Variants in STRN3 observed in about 807,000 individuals in gnomAD.
The protein encoded by STRN3 is striatin 3, also known as striatin-3.
A neutral mutation model predicts 95.6 loss-of-function variants in STRN3; 29 were observed. The ratio of observed to expected loss-of-function variants is 0.30; its 90% CI spans 0.23 to 0.41. The LOEUF (loss-of-function observed/expected upper bound fraction) is 0.41, where lower values mean the gene tolerates loss of function less well. Among genes scored for constraint, STRN3 ranks in the 10% least tolerant of loss-of-function variants. STRN3 has a pLI of 1.00. For synonymous variants in STRN3, 331 were observed against 357.6 expected (o/e 0.93, Z 0.84); for missense variants, 890 against 972.1 (o/e 0.92, Z 1.12).
chr14:31,022,077 C>A (rs1215052712), intron 1 of STRN3, among the ~76,000 whole-genome samples: 1 of 152,144 alleles, frequency 6.6e-6, no homozygotes, highest in Non-Finnish European at 1.5e-5. Context: ...AAAGGGAACA[C>A]CTTTATGAAA....
chr14:31,002,486 A>G (rs1347625057), intron 1 of STRN3, among the ~76,000 whole-genome samples: 2 of 150,698 alleles, frequency 1.3e-5, no homozygotes, highest in East Asian at 2.0e-4. Context: ...AAAAAAAAAA[A>G]AAAAAAATTA....
intron 1 of STRN3, among the ~76,000 whole-genome samples, chr14:31,012,017 G>A (rs1276871380): frequency 6.6e-6 from 1 of 152,228 alleles, no homozygotes; most frequent in Non-Finnish European, 1.5e-5. Context: ...AGGAGCCGGA[G>A]GTTGCAGTGA....
intron 1 of STRN3, among the ~76,000 whole-genome samples, chr14:31,013,133 A>G (rs1354904348): frequency 6.6e-6 from 1 of 151,874 alleles, no homozygotes; most frequent in Non-Finnish European, 1.5e-5. Flanking sequence ...TCAGGTGTGG[A>G]GGCATGTTCC....
At chr14:30,937,628 T>C (rs887965107) in intron 5 of STRN3, among the ~76,000 whole-genome samples, 2 of 152,214 alleles carry the variant, frequency 1.3e-5, no homozygotes, top group African/African-American at 4.8e-5. Context: ...AAAATTCAGC[T>C]GAACAAAGAC....
intron 1 of STRN3, among the ~76,000 whole-genome samples, chr14:30,996,034 T>C (rs1474069113): frequency 2.0e-5 from 3 of 152,214 alleles, no homozygotes; most frequent in African/African-American, 4.8e-5. Flanking sequence ...GAGTTCCACA[T>C]TGGGTTCAAG....
chr14:30,969,494 AAT>A (rs1250084773), intron 1 of STRN3, among the ~76,000 whole-genome samples: 1 of 152,192 alleles, frequency 6.6e-6, no homozygotes, highest in Non-Finnish European at 1.5e-5. Context: ...AAATTGGATA[AAT>A]ATGTCTACAA....
At chr14:30,899,841 G>A (rs1197754796) in intron 16 of STRN3, among the ~76,000 whole-genome samples, 1 of 151,298 alleles carries the variant, frequency 6.6e-6, no homozygotes, top group Admixed American at 6.6e-5. Flanking sequence ...AGTACAAAAT[G>A]CTGAATACAT....
At chr14:30,896,571 AAGGGG>A (rs201109138) in intron 16 of STRN3, among the ~76,000 whole-genome samples, 2,261 of 140,528 alleles carry the variant, frequency 0.016, 54 homozygotes, top group South Asian at 0.083. Flanking sequence ...AAAGAAAGGG[AAGGGG>A]AGGGGAGGGG....
At chr14:30,941,653 T>A (rs954919892) in intron 5 of STRN3, among the ~76,000 whole-genome samples, 3 of 151,682 alleles carry the variant, frequency 2.0e-5, no homozygotes, top group Non-Finnish European at 1.5e-5. Context: ...CAAGATGGAG[T>A]TTCCCTTTGT....
intron 1 of STRN3, among the ~76,000 whole-genome samples, chr14:31,018,956 C>G (rs1883374476): frequency 6.6e-6 from 1 of 152,164 alleles, no homozygotes; most frequent in African/African-American, 2.4e-5. Context: ...AACCCCATCC[C>G]TACTAAAATT....
In STRN3 at chr14:30,977,793, C is replaced by CG. The variant is rs1555323372; in HGVS notation, c.283-21552dup. Among the ~76,000 whole-genome samples, 16 of 27,592 alleles carry CG rather than the reference C, an allele frequency of 5.8e-4. 1 individual carries two copies. In the East Asian group the frequency reaches 9.0e-3, roughly 15 times the overall value. 18.1% of individuals were successfully genotyped at this position (27,592 alleles called of 152,430 possible). On this transcript the variant is annotated intron_variant, in intron 1 of 17. Coordinates refer to ENST00000357479, the MANE Select transcript of STRN3 (RefSeq NM_001083893.2). Reference sequence around the variant, plus strand: ...AGGCAAACAAAACAAGACTCTATCTCGAAAAAAAAAAAAAAAAAAAAAAAC... The same window carrying CG: ...AGGCAAACAAAACAAGACTCTATCTCGGAAAAAAAAAAAAAAAAAAAAAAAC...
chr14:30,979,686 G>A (rs1258916668), intron 1 of STRN3, among the ~76,000 whole-genome samples: 14 of 151,920 alleles, frequency 9.2e-5, no homozygotes, highest in East Asian at 5.8e-4. Context: ...TGAAACCTCC[G>A]CCTCCTGGGT....
rs1050692421 is a variant in STRN3 at position 30,911,833 on chromosome 14, G to T, written c.1551-9C>A. 8 of 1,600,864 alleles carry T rather than the reference G, an allele frequency of 5.0e-6. No homozygotes were observed. Among genetic ancestry groups the T allele is most frequent in the Non-Finnish European group, 6.8e-6 (8 of 1,176,038 alleles). ...CATCTAAAGAGGCACTCCTAAAAGA[G>T]GGGGAAAAAGGGTAGGGGAAGAGAA... On this transcript the variant is annotated splice_polypyrimidine_tract_variant and intron_variant, in intron 11 of 17. Coordinates refer to ENST00000357479, the MANE Select transcript of STRN3 (RefSeq NM_001083893.2).
At chr14:30,987,531 CATAAA>C (rs1266130872) in intron 1 of STRN3, among the ~76,000 whole-genome samples, 2 of 151,578 alleles carry the variant, frequency 1.3e-5, no homozygotes, top group Non-Finnish European at 2.9e-5. Context: ...TAAAAAAAAA[CATAAA>C]ATAAAATTTA....
chr14:31,010,209 CTTTG>C (rs1238350756), intron 1 of STRN3, among the ~76,000 whole-genome samples: 1 of 151,958 alleles, frequency 6.6e-6, no homozygotes, highest in East Asian at 1.9e-4. Flanking sequence ...AACATATTTG[CTTTG>C]TTTTATAACT....
chr14:31,002,883 G>A (rs1286714208), intron 1 of STRN3, among the ~76,000 whole-genome samples: 1 of 152,112 alleles, frequency 6.6e-6, no homozygotes, highest in Non-Finnish European at 1.5e-5. Context: ...CTTCAGTTTT[G>A]CAAGAAGAAA....
chr14:30,904,923 C>A (rs1345353502), intron 15 of STRN3, among the ~76,000 whole-genome samples: 1 of 147,606 alleles, frequency 6.8e-6, no homozygotes, highest in Non-Finnish European at 1.5e-5. Flanking sequence ...TCCAGACTGT[C>A]GGAAACTTGA....
chr14:31,014,660 G>A (rs1883153752), intron 1 of STRN3: 2 of 454,724 alleles, frequency 4.4e-6, no homozygotes, highest in Non-Finnish European at 9.0e-6. Context: ...TAGGTGTAAT[G>A]CTATCTCAAG....
At chr14:30,948,442 A>C (rs1244304494) in intron 4 of STRN3, among the ~76,000 whole-genome samples, 2 of 152,190 alleles carry the variant, frequency 1.3e-5, no homozygotes, top group Admixed American at 6.5e-5. Context: ...GGGTATACAA[A>C]CAACCAAAGG....
Sources: allele counts gnomAD v4.1 joint callset (sites outside exome capture counted in the v4.1 genomes callset), GRCh38; gene constraint gnomAD v4.1.1; transcripts MANE v1.5; gene names NCBI Gene and HGNC (gene_info 2026-07-23, HGNC 2026-07-21).